The following ARHGAP18 variants were observed in gnomAD, a reference collection of about 807,000 sequenced individuals.
ARHGAP18 encodes the protein Rho GTPase activating protein 18.
Under a neutral mutation model 86.2 loss-of-function variants are expected in ARHGAP18, and 67 were observed. The ratio of observed to expected loss-of-function variants is 0.78; its 90% CI spans 0.64 to 0.95. The LOEUF is 0.95. Among genes scored for constraint, ARHGAP18 ranks in the 40% least tolerant of loss-of-function variants. The pLI, the probability that ARHGAP18 is intolerant of heterozygous loss-of-function variation, is 0.00. For missense variants in ARHGAP18, 691 were observed against 780.4 expected, an observed-to-expected ratio of 0.89 and a Z score of 1.37; for synonymous variants, 283 against 280.4, an observed-to-expected ratio of 1.01 and a Z score of -0.09.
At chr6:129,627,648 AAAGGAAGAAAG>A (rs1250965567) in intron 5 of ARHGAP18, among the ~76,000 whole-genome samples, 2 of 151,966 alleles carry the variant, frequency 1.3e-5, no homozygotes, top group African/African-American at 4.8e-5. Flanking sequence ...GGATAGAGGG[AAAGGAAGAAAG>A]AAGGAAGGAA....
chr6:129,647,496 C>G (rs1201907808), intron 1 of ARHGAP18, among the ~76,000 whole-genome samples: 1 of 152,148 alleles, frequency 6.6e-6, no homozygotes, highest in Non-Finnish European at 1.5e-5. Flanking sequence ...ATCCTAGCAC[C>G]TGTTTTGTTT....
chr6:129,704,956 G>A (rs1313803790), intron 1 of ARHGAP18, among the ~76,000 whole-genome samples: 1 of 152,066 alleles, frequency 6.6e-6, no homozygotes, highest in Non-Finnish European at 1.5e-5. Context: ...TGGGTGCTTG[G>A]TTTCAGACTT....
At chr6:129,640,107 A>C (rs1470681247) in intron 2 of ARHGAP18, among the ~76,000 whole-genome samples, 1 of 151,866 alleles carries the variant, frequency 6.6e-6, no homozygotes. Context: ...TTAAAGTAGA[A>C]CTCAGTATTG....
intron 1 of ARHGAP18, among the ~76,000 whole-genome samples, chr6:129,673,353 C>CAAA (rs201938074): frequency 2.0e-4 from 16 of 81,738 alleles, no homozygotes; most frequent in Non-Finnish European, 3.1e-4. Flanking sequence ...ATAGTCATGC[C>CAAA]AAAAAAAAAA....
At chr6:129,698,664 C>T (rs1428742276) in intron 1 of ARHGAP18, among the ~76,000 whole-genome samples, 2 of 150,614 alleles carry the variant, frequency 1.3e-5, no homozygotes, top group African/African-American at 4.9e-5. Context: ...GCCTCAGCCT[C>T]CCGAGTAGCG....
intron 4 of ARHGAP18, among the ~76,000 whole-genome samples, chr6:129,631,287 C>G (rs1386251122): frequency 1.3e-5 from 2 of 152,084 alleles, no homozygotes; most frequent in South Asian, 2.1e-4. Flanking sequence ...ACAATAAATA[C>G]CCCCACACTC....
intron 5 of ARHGAP18, among the ~76,000 whole-genome samples, chr6:129,623,785 TA>T (rs1207934013): frequency 3.3e-5 from 5 of 152,136 alleles, no homozygotes; most frequent in Admixed American, 2.0e-4. Flanking sequence ...CATATTTGCA[TA>T]AAAAAATACA....
At chr6:129,623,252 G>T (rs1789270608) in intron 5 of ARHGAP18, among the ~76,000 whole-genome samples, 1 of 152,050 alleles carries the variant, frequency 6.6e-6, no homozygotes, top group Non-Finnish European at 1.5e-5. Context: ...CAAAAGCTTA[G>T]TCATTAATGT....
At chr6:129,669,794 T>A (rs1011407609) in intron 1 of ARHGAP18, among the ~76,000 whole-genome samples, 15 of 150,402 alleles carry the variant, frequency 1.0e-4, no homozygotes, top group African/African-American at 2.9e-4. Context: ...AAAAAAAAAA[T>A]AAATAAATTC....
chr6:129,587,472 T>C (rs1180315518), intron 12 of ARHGAP18, among the ~76,000 whole-genome samples: 1 of 152,202 alleles, frequency 6.6e-6, no homozygotes, highest in Non-Finnish European at 1.5e-5. Context: ...CGTGCTGCTA[T>C]GAAGAAATAC....
At chr6:129,602,816 G>A (rs1335003599) in intron 10 of ARHGAP18, among the ~76,000 whole-genome samples, 2 of 151,870 alleles carry the variant, frequency 1.3e-5, no homozygotes, top group African/African-American at 4.8e-5. Flanking sequence ...CAGACATTAG[G>A]TAATAAACCG....
At chr6:129,679,479 T>C (rs1219070462) in intron 1 of ARHGAP18, among the ~76,000 whole-genome samples, 1 of 152,178 alleles carries the variant, frequency 6.6e-6, no homozygotes, top group Non-Finnish European at 1.5e-5. Flanking sequence ...ACCTACTACA[T>C]GCCAAGTAAT....
chr6:129,699,069 C>T (rs1370386063), intron 1 of ARHGAP18, among the ~76,000 whole-genome samples: 2 of 152,004 alleles, frequency 1.3e-5, no homozygotes, highest in African/African-American at 4.8e-5. Context: ...GAACTCCTGA[C>T]CTTGCAATCC....
chr6:129,631,302 C>A (rs1773199557), intron 4 of ARHGAP18, among the ~76,000 whole-genome samples: 1 of 152,026 alleles, frequency 6.6e-6, no homozygotes, highest in Admixed American at 6.6e-5. Context: ...ACACTCACAC[C>A]CACACCAACG....
intron 12 of ARHGAP18, among the ~76,000 whole-genome samples, chr6:129,595,570 C>T (rs566761559): frequency 6.6e-6 from 1 of 152,238 alleles, no homozygotes; most frequent in East Asian, 1.9e-4. Flanking sequence ...AGGAAATTAC[C>T]TACCATCTCC....
chr6:129,579,294 T>C (rs542829179), intron 14 of ARHGAP18, among the ~76,000 whole-genome samples: 4 of 152,228 alleles, frequency 2.6e-5, no homozygotes, highest in African/African-American at 9.6e-5. Context: ...CAATTCCAGG[T>C]TTCTAGTGTC....
chr6:129,586,109 C>G (rs1395724087), intron 12 of ARHGAP18, among the ~76,000 whole-genome samples: 1 of 152,168 alleles, frequency 6.6e-6, no homozygotes, highest in African/African-American at 2.4e-5. Flanking sequence ...GTGTAACATA[C>G]AACTCAGTGA....
At chr6:129,580,851 G>A (rs185313553) in intron 13 of ARHGAP18, among the ~76,000 whole-genome samples, 6 of 152,100 alleles carry the variant, frequency 3.9e-5, no homozygotes, top group Non-Finnish European at 7.4e-5. Flanking sequence ...CTCCAGCCTG[G>A]GTGACAGAAT....
chr6:129,649,397 T>C (rs1205733377), intron 1 of ARHGAP18, among the ~76,000 whole-genome samples: 1 of 151,558 alleles, frequency 6.6e-6, no homozygotes. Flanking sequence ...CTATTAAAAA[T>C]ACAAAAATTA....
Sources: allele counts gnomAD v4.1 joint callset (sites outside exome capture counted in the v4.1 genomes callset), GRCh38; gene constraint gnomAD v4.1.1; transcripts MANE v1.5; gene names NCBI Gene and HGNC (gene_info 2026-07-23, HGNC 2026-07-21).